The following TRDN variants were observed in gnomAD, a reference collection of about 807,000 sequenced individuals.
TRDN encodes triadin.
In TRDN, 161 loss-of-function variants were observed where a neutral mutation model predicts 149.7. That is an observed-to-expected ratio of 1.08 (90% CI 0.95 to 1.23). TRDN has a LOEUF of 1.23. Ranked by LOEUF, TRDN falls within the 50% of genes most tolerant of loss-of-function variation. The pLI, the probability that TRDN is intolerant of heterozygous loss-of-function variation, is 0.00. For missense variants in TRDN, 896 were observed against 823.5 expected, an observed-to-expected ratio of 1.09 and a Z score of -1.08; for synonymous variants, 294 against 250.5, an observed-to-expected ratio of 1.17 and a Z score of -1.64.
chr6:123,448,939 C>T (rs565384884), intron 10 of TRDN, among the ~76,000 whole-genome samples: 5 of 152,086 alleles, frequency 3.3e-5, no homozygotes, highest in African/African-American at 4.8e-5. Flanking sequence ...GCCGGGTAGA[C>T]GCGCTGGGTG....
At chr6:123,381,501 T>G in intron 15 of TRDN, 111 bp from the exon 16 acceptor site, 1 of 974,382 alleles carries the variant, frequency 1.0e-6, no homozygotes, top group Non-Finnish European at 1.5e-6. Context: ...CAATTTTCTC[T>G]CCTTAAATTT....
intron 32 of TRDN, among the ~76,000 whole-genome samples, chr6:123,266,223 GTATTATATATTATATATATTA>G (rs1562237169): frequency 0.56 from 34,995 of 62,098 alleles, 12,655 homozygotes; most frequent in East Asian, 0.74. Flanking sequence ...ATTATAATAT[GTATTATATATTATATATATTA>G]TAATATATAT....
In TRDN at chr6:123,217,575, A is replaced by G. The variant is rs1240011357; in HGVS notation, c.*1026T>C. On this transcript the variant is annotated 3_prime_UTR_variant, in exon 41 of 41. Coordinates refer to ENST00000334268, the MANE Select transcript of TRDN (RefSeq NM_006073.4). ...TCGAGTAGATTAAAAATTGTTATCC[A>G]TGTCATTGGCACTGATGACCAGTTA... 6.6e-6 allele frequency: 1 copy of G among 151,992 alleles called. No individual in the cohort carries two copies. Among genetic ancestry groups the G allele is most frequent in the Non-Finnish European group, 1.5e-5 (1 of 67,944 alleles). 9.4% of individuals were successfully genotyped at this position (151,992 alleles called of 1,614,324 possible).
chr6:123,322,701 C>T (rs914836950), intron 23 of TRDN, among the ~76,000 whole-genome samples: 28 of 151,066 alleles, frequency 1.9e-4, no homozygotes, highest in Admixed American at 8.6e-4. Flanking sequence ...AGTGCAGTGG[C>T]GCAATCTCGG....
rs1158334520 is a variant in TRDN, at chr6:123,581,665, T to C, written c.23-10533A>G. The stretch of plus-strand genomic sequence containing the variant: ...AACGTTGAGATGAGAGGTATGCTAG[T>C]GGTAGAAGTAAAAACATGTCTGTTC... On this transcript the variant is annotated intron_variant, in intron 1 of 40. Coordinates refer to ENST00000334268, the MANE Select transcript of TRDN (RefSeq NM_006073.4). Among the ~76,000 whole-genome samples the C allele has an allele frequency of 2.0e-5, 3 of 152,252 alleles. No homozygotes were observed. The East Asian group carries it at 5.8e-4, about 29-fold the overall frequency.
At chr6:123,357,823 C>T (rs946275879) in intron 20 of TRDN, among the ~76,000 whole-genome samples, 4 of 152,108 alleles carry the variant, frequency 2.6e-5, no homozygotes, top group Admixed American at 1.3e-4. Context: ...TTCTTTTCAA[C>T]GATGGGTTCA....
At chr6:123,425,763 A>C (rs1012270495) in intron 12 of TRDN, among the ~76,000 whole-genome samples, 2 of 152,082 alleles carry the variant, frequency 1.3e-5, no homozygotes. Context: ...CCGGAAGGAG[A>C]ATGTAGACAA....
At chr6:123,568,261 T>A (rs1782391138) in intron 2 of TRDN, among the ~76,000 whole-genome samples, 1 of 152,176 alleles carries the variant, frequency 6.6e-6, no homozygotes. Context: ...TTTTGCAGGG[T>A]TCAGCCCTGG....
At chr6:123,617,619 C>A (rs1317415987) in intron 1 of TRDN, among the ~76,000 whole-genome samples, 3 of 152,140 alleles carry the variant, frequency 2.0e-5, no homozygotes, top group Non-Finnish European at 4.4e-5. Flanking sequence ...TTAGTTGTCA[C>A]AATCATGAGC....
intron 24 of TRDN, among the ~76,000 whole-genome samples, chr6:123,307,131 G>A (rs138096824): frequency 3.9e-5 from 6 of 152,038 alleles, no homozygotes; most frequent in South Asian, 2.1e-4. Flanking sequence ...ACCATCCTCC[G>A]GATTTGGCAA....
chr6:123,602,822 C>G (rs1437275247), intron 1 of TRDN, among the ~76,000 whole-genome samples: 1 of 152,058 alleles, frequency 6.6e-6, no homozygotes, highest in African/African-American at 2.4e-5. Flanking sequence ...CTAGCACTCA[C>G]AGCCCAGGAC....
At chr6:123,356,525 A>G (rs202061898) in intron 20 of TRDN, among the ~76,000 whole-genome samples, 2 of 97,612 alleles carry the variant, frequency 2.0e-5, no homozygotes, top group African/African-American at 2.9e-5. Context: ...ATATATATAT[A>G]TATATATATA....
intron 20 of TRDN, among the ~76,000 whole-genome samples, chr6:123,357,068 G>A (rs578236270): frequency 6.0e-5 from 9 of 150,852 alleles, no homozygotes; most frequent in Non-Finnish European, 8.9e-5. Context: ...CTTTTATTCC[G>A]CCTTTTTTCT....
chr6:123,377,958 C>T (rs1007772138), intron 16 of TRDN, 60 bp from the exon 17 acceptor site: 1 of 1,232,178 alleles, frequency 8.1e-7, no homozygotes, highest in African/African-American at 1.5e-5. Flanking sequence ...TTATGAATCC[C>T]AACTTAATTG....
At chr6:123,537,251 T>C (rs1780596178) in intron 4 of TRDN, among the ~76,000 whole-genome samples, 1 of 152,208 alleles carries the variant, frequency 6.6e-6, no homozygotes, top group Non-Finnish European at 1.5e-5. Context: ...TAGCATTCCT[T>C]ATTAATGATT....
At chr6:123,522,445 GA>G (rs1779729011) in intron 5 of TRDN, among the ~76,000 whole-genome samples, 1 of 138,302 alleles carries the variant, frequency 7.2e-6, no homozygotes, top group Non-Finnish European at 1.6e-5. Flanking sequence ...CATGGGGGGG[GA>G]AAGCCAGAGG....
chr6:123,628,279 A>G (rs1379768653), intron 1 of TRDN, among the ~76,000 whole-genome samples: 1 of 151,892 alleles, frequency 6.6e-6, no homozygotes, highest in Admixed American at 6.6e-5. Context: ...TAGGTTATTA[A>G]TTTTCCTAAT....
At chr6:123,622,693 C>T (rs372658513) in intron 1 of TRDN, among the ~76,000 whole-genome samples, 119 of 152,208 alleles carry the variant, frequency 7.8e-4, no homozygotes, top group African/African-American at 2.8e-3. Flanking sequence ...ACCACAGTGT[C>T]CTAATTCTTT....
intron 1 of TRDN, among the ~76,000 whole-genome samples, chr6:123,600,641 TAG>T (rs1484206461): frequency 1.3e-5 from 2 of 152,056 alleles, no homozygotes; most frequent in Non-Finnish European, 2.9e-5. Flanking sequence ...TTTGTTCTGG[TAG>T]AGACACACGG....
Sources: gnomAD v4.1 joint callset for allele counts (sites outside exome capture counted in the v4.1 genomes callset) on GRCh38, gnomAD v4.1.1 for gene constraint, MANE v1.5 for transcripts, NCBI Gene and HGNC (gene_info 2026-07-23, HGNC 2026-07-21) for gene names.